ZCCHC7: variants seen among roughly 807,000 people sequenced by gnomAD.
ZCCHC7 encodes the protein zinc finger CCHC-type containing 7.
Under a neutral mutation model 52.0 loss-of-function variants are expected in ZCCHC7, and 35 were observed. The observed-to-expected ratio is 0.67, with a 90% CI of 0.51 to 0.89. ZCCHC7 has a LOEUF of 0.89. ZCCHC7 is among the 40% of genes least tolerant of loss of function. ZCCHC7 has a pLI of 0.00. For missense variants in ZCCHC7, 574 were observed against 649.1 expected (o/e 0.88, Z 1.26); for synonymous variants, 217 against 221.5 (o/e 0.98, Z 0.18).
chr9:37,122,340 T>G (rs1448195836), intron 1 of ZCCHC7, among the ~76,000 whole-genome samples: 4 of 152,234 alleles, frequency 2.6e-5, no homozygotes, highest in Non-Finnish European at 2.9e-5. Flanking sequence ...CTGTTTTATA[T>G]TTGTTAAGGT....
chr9:37,137,985 A>C (rs13300560), intron 2 of ZCCHC7, among the ~76,000 whole-genome samples: 1 of 152,000 alleles, frequency 6.6e-6, no homozygotes, highest in Non-Finnish European at 1.5e-5. Context: ...TATAACTGAA[A>C]AATGGCCACA....
At chr9:37,169,991 G>T (rs1314054472) in intron 2 of ZCCHC7, among the ~76,000 whole-genome samples, 1 of 151,848 alleles carries the variant, frequency 6.6e-6, no homozygotes, top group Non-Finnish European at 1.5e-5. Flanking sequence ...TTGAGCCCAG[G>T]AAGTTGAGAC....
chr9:37,213,691 T>C (rs1171528349), intron 2 of ZCCHC7, among the ~76,000 whole-genome samples: 1 of 152,162 alleles, frequency 6.6e-6, no homozygotes, highest in Admixed American at 6.5e-5. Context: ...CTTGTGCTGT[T>C]GTTGACTAGT....
intron 2 of ZCCHC7, among the ~76,000 whole-genome samples, chr9:37,226,150 G>A (rs1484654064): frequency 6.6e-6 from 1 of 152,070 alleles, no homozygotes; most frequent in Admixed American, 6.5e-5. Flanking sequence ...CTGTATACTA[G>A]CAACAAACAA....
chr9:37,120,765 G>A (rs896847519), intron 1 of ZCCHC7, 142 bp downstream of exon 1: 3 of 342,388 alleles, frequency 8.8e-6, no homozygotes, highest in African/African-American at 2.1e-5. Flanking sequence ...TCGTGGCAGG[G>A]CGCAGCTCCT....
intron 2 of ZCCHC7, among the ~76,000 whole-genome samples, chr9:37,277,584 GA>G (rs1301331306): frequency 6.6e-6 from 1 of 152,128 alleles, no homozygotes; most frequent in Non-Finnish European, 1.5e-5. Context: ...TTAGAATAAA[GA>G]AAAAGCATTT....
chr9:37,235,465 C>G (rs1412045883), intron 2 of ZCCHC7, among the ~76,000 whole-genome samples: 1 of 150,238 alleles, frequency 6.7e-6, no homozygotes, highest in East Asian at 2.0e-4. Context: ...TTCTTTCCTT[C>G]CTTTCCTTCC....
At chr9:37,280,142 A>G (rs900481777) in intron 2 of ZCCHC7, among the ~76,000 whole-genome samples, 3 of 149,664 alleles carry the variant, frequency 2.0e-5, no homozygotes, top group Admixed American at 2.0e-4. Context: ...CTCCGTCTCA[A>G]AAAAAAAAAG....
chr9:37,224,416 TA>T (rs1450683102), intron 2 of ZCCHC7, among the ~76,000 whole-genome samples: 1 of 152,106 alleles, frequency 6.6e-6, no homozygotes, highest in East Asian at 1.9e-4. Flanking sequence ...AACATAGGAG[TA>T]ATGTAGACTC....
intron 2 of ZCCHC7, among the ~76,000 whole-genome samples, chr9:37,142,923 G>A (rs751772684): frequency 2.6e-5 from 4 of 151,760 alleles, no homozygotes; most frequent in Non-Finnish European, 5.9e-5. Flanking sequence ...CTGTTAGCAT[G>A]TTTTACTAGC....
chr9:37,273,320 A>G (rs137875946), intron 2 of ZCCHC7, among the ~76,000 whole-genome samples: 7,721 of 152,178 alleles, frequency 0.051, 638 homozygotes, highest in African/African-American at 0.17. Context: ...TGGCTAACAC[A>G]GTGAAACCCT....
Position 37,126,886 on chromosome 9 carries a change from A to T in ZCCHC7, c.554A>T (p.Asp185Val). The T allele has an allele frequency of 6.2e-7, 1 of 1,614,168 alleles. No individual in the cohort carries two copies. The highest frequency in any genetic ancestry group is 8.5e-7 in the Non-Finnish European group (1 of 1,180,014). ...SWMLLGCEVD[D>V]KDDDILLNLV... is the part of the protein sequence containing the mutation. Reference sequence around the variant, plus strand: ...ATGCTACTGGGATGTGAAGTAGATGATAAAGATGATGATATCCTTCTCAAC... The same window carrying T: ...ATGCTACTGGGATGTGAAGTAGATGTTAAAGATGATGATATCCTTCTCAAC... Residue 185 changes from aspartate to valine, a missense_variant, in exon 2 of 9, where the codon GAT becomes GTT. Coordinates refer to ENST00000336755, the MANE Select transcript of ZCCHC7 (RefSeq NM_032226.3).
intron 2 of ZCCHC7, among the ~76,000 whole-genome samples, chr9:37,255,175 G>T (rs1826525712): frequency 6.6e-6 from 1 of 151,986 alleles, no homozygotes; most frequent in South Asian, 2.1e-4. Context: ...AGAACAACAA[G>T]ATAGAACAAT....
At chr9:37,299,060 G>T (rs572900982) in intron 2 of ZCCHC7, among the ~76,000 whole-genome samples, 16 of 152,290 alleles carry the variant, frequency 1.1e-4, no homozygotes, top group Non-Finnish European at 2.1e-4. Context: ...TTTGATCACG[G>T]CTCTGAAATT....
rs1439432491 is a variant in ZCCHC7 at position 37,354,203 on chromosome 9, C to T, written c.1084-507C>T. Among the ~76,000 whole-genome samples, 2 of 152,094 alleles carry T rather than the reference C, an allele frequency of 1.3e-5. No individual in the cohort carries two copies. Among genetic ancestry groups the T allele is most frequent in the Admixed American group, 6.6e-5 (1 of 15,264 alleles). On this transcript the variant is annotated intron_variant, in intron 7 of 8. Transcript: ENST00000336755. This position sits in a 1 kb window ranked among gnomAD's most constrained non-coding sequence, Gnocchi z 4.0. The stretch of plus-strand genomic sequence containing the variant: ...CCCCCACCGTTAAGAATCACTACCC[C>T]TATAAGCAGTGAATGTTGAGTTAAA...
chr9:37,337,891 C>G (rs1199778206), intron 6 of ZCCHC7, among the ~76,000 whole-genome samples: 3 of 152,216 alleles, frequency 2.0e-5, no homozygotes, highest in Non-Finnish European at 4.4e-5. Flanking sequence ...TGCTAACTTA[C>G]TTTAAAATTA....
chr9:37,124,217 A>G (rs1176584586), intron 1 of ZCCHC7, among the ~76,000 whole-genome samples: 1 of 152,084 alleles, frequency 6.6e-6, no homozygotes, highest in Non-Finnish European at 1.5e-5. Flanking sequence ...CTGATTTTGG[A>G]CACACACTTA....
At chr9:37,296,617 C>T (rs1828794293) in intron 2 of ZCCHC7, among the ~76,000 whole-genome samples, 1 of 151,542 alleles carries the variant, frequency 6.6e-6, no homozygotes, top group Non-Finnish European at 1.5e-5. Context: ...TAACCATGAG[C>T]TCACAGTCTA....
At chr9:37,214,787 G>C (rs1339855602) in intron 2 of ZCCHC7, among the ~76,000 whole-genome samples, 1 of 151,978 alleles carries the variant, frequency 6.6e-6, no homozygotes, top group Non-Finnish European at 1.5e-5. Flanking sequence ...AGGTGGAAGA[G>C]ATACTATTCT....
Sources: allele counts gnomAD v4.1 joint callset (sites outside exome capture counted in the v4.1 genomes callset), GRCh38; gene constraint gnomAD v4.1.1; non-coding constraint Gnocchi (gnomAD v3.1); transcripts MANE v1.5; gene names NCBI Gene and HGNC (gene_info 2026-07-23, HGNC 2026-07-21).